PIEZO2: variants seen among roughly 807,000 people sequenced by gnomAD.
PIEZO2 encodes the protein piezo-type mechanosensitive ion channel component 2.
Under a neutral mutation model 337.3 loss-of-function variants are expected in PIEZO2, and 172 were observed. That is an observed-to-expected ratio of 0.51 (90% confidence interval 0.45 to 0.58). The LOEUF (loss-of-function observed/expected upper bound fraction) is 0.58, where lower values mean the gene tolerates loss of function less well. Among genes scored for constraint, PIEZO2 ranks in the 20% least tolerant of loss-of-function variants. PIEZO2 has a pLI of 0.00. For missense variants in PIEZO2, 3,028 were observed against 3,391.3 expected (o/e 0.89, Z 2.66); for synonymous variants, 1,251 against 1,228.5 (o/e 1.02, Z -0.38).
chr18:11,005,727 C>T (rs1379412648), intron 2 of PIEZO2, among the ~76,000 whole-genome samples: 1 of 152,208 alleles, frequency 6.6e-6, no homozygotes, highest in African/African-American at 2.4e-5. Flanking sequence ...AGAACACACA[C>T]CAGGTTACTA....
intron 35 of PIEZO2, among the ~76,000 whole-genome samples, chr18:10,732,276 C>CG (rs1291109603): frequency 6.6e-6 from 1 of 152,138 alleles, no homozygotes; most frequent in Non-Finnish European, 1.5e-5. Flanking sequence ...AGCCATATAG[C>CG]AACAAGAAGC....
Position 10,742,607 on chromosome 18 carries a change from C to T in PIEZO2, c.4523G>A (p.Arg1508His), listed in dbSNP as rs895352583. The change falls in exon 32 of 56, where the codon CGC becomes CAC. Residue 1508 changes from arginine (R) to histidine (H), a missense_variant. Coordinates refer to ENST00000674853, the MANE Select transcript of PIEZO2 (RefSeq NM_001378183.1). ...SMDQLKRQMD[R>H]IKARQQKYKK... ...ATATTTCTGTTGCCTGGCCTTGATG[C>T]GATCCATCCTATAAAGTAAAATAAC... The T allele has an allele frequency of 1.2e-5, 19 of 1,536,866 alleles. No individual in the cohort carries two copies. The highest frequency in any genetic ancestry group is 4.1e-5 in the African/African-American group (3 of 73,012).
chr18:10,733,402 A>C (rs993277502), intron 35 of PIEZO2, among the ~76,000 whole-genome samples: 1 of 152,008 alleles, frequency 6.6e-6, no homozygotes, highest in African/African-American at 2.4e-5. Context: ...GAAACGTCCC[A>C]ATCCTTACTG....
chr18:10,764,571 C>T (rs2038275486), intron 21 of PIEZO2, among the ~76,000 whole-genome samples: 1 of 140,930 alleles, frequency 7.1e-6, no homozygotes, highest in Non-Finnish European at 1.5e-5. Context: ...GCCTGGGTGA[C>T]AGAGTGACAC....
At chr18:10,829,076 T>G (rs2040764605) in intron 7 of PIEZO2, among the ~76,000 whole-genome samples, 1 of 152,196 alleles carries the variant, frequency 6.6e-6, no homozygotes, top group Admixed American at 6.5e-5. Flanking sequence ...ACTTATTGCA[T>G]TTGATTGATA....
chr18:10,755,453 T>C (rs918577694), intron 27 of PIEZO2, among the ~76,000 whole-genome samples: 1 of 152,144 alleles, frequency 6.6e-6, no homozygotes, highest in Non-Finnish European at 1.5e-5. Context: ...CAGCTGACTA[T>C]AGTGGGCAGC....
Position 10,807,225 on chromosome 18 carries a change from TC to T in PIEZO2, c.966del (p.Trp322Ter). 3 of 1,537,278 alleles carry T rather than the reference TC, an allele frequency of 2.0e-6. No individual in the cohort carries two copies. The highest frequency in any genetic ancestry group is 1.7e-6 in the Non-Finnish European group (2 of 1,146,918). ...GACAGGTCCGGGTTCACTATGATCT[TC>T]CAAGTACTTGAACAGTCCGTTTGAA... Reference protein sequence around the residue: ...SVIQTDCSSTWKIIVNPDLSW... With the variant: ...SVIQTDCSSTXKIIVNPDLSW... On this transcript the variant is annotated frameshift_variant, in exon 8 of 56. Coordinates refer to ENST00000674853, the MANE Select transcript of PIEZO2 (RefSeq NM_001378183.1). LOFTEE classifies it high-confidence loss of function.
chr18:10,778,573 C>A (rs1215936318), intron 18 of PIEZO2, among the ~76,000 whole-genome samples: 1 of 152,066 alleles, frequency 6.6e-6, no homozygotes, highest in Admixed American at 6.6e-5. Context: ...ACCTCATGAT[C>A]CACCTGCCTC....
chr18:10,915,116 C>T (rs2030831876), intron 3 of PIEZO2, among the ~76,000 whole-genome samples: 1 of 137,506 alleles, frequency 7.3e-6, no homozygotes, highest in East Asian at 2.0e-4. Flanking sequence ...CAAGATGGAA[C>T]CTCTGCCAGT....
intron 2 of PIEZO2, among the ~76,000 whole-genome samples, chr18:11,063,757 C>T (rs1010501972): frequency 6.6e-6 from 1 of 152,204 alleles, no homozygotes; most frequent in Non-Finnish European, 1.5e-5. Context: ...GCAGGACTTG[C>T]TGACAGTCCC....
At chr18:11,121,923 T>C (rs564662270) in intron 1 of PIEZO2, among the ~76,000 whole-genome samples, 2 of 152,286 alleles carry the variant, frequency 1.3e-5, no homozygotes, top group South Asian at 2.1e-4. Flanking sequence ...ATTATAAAAA[T>C]CATGTACCAA....
chr18:10,851,558 T>C (rs2041554258), intron 7 of PIEZO2, among the ~76,000 whole-genome samples: 1 of 152,206 alleles, frequency 6.6e-6, no homozygotes, highest in African/African-American at 2.4e-5. Context: ...GAACTGTTAA[T>C]ATCTTTACCA....
chr18:11,061,928 C>G (rs1274842553), intron 2 of PIEZO2, among the ~76,000 whole-genome samples: 1 of 152,070 alleles, frequency 6.6e-6, no homozygotes, highest in Non-Finnish European at 1.5e-5. Context: ...CATATGGAAC[C>G]AAAAAAGAGC....
rs1335055599 is a variant in PIEZO2 at position 10,794,189 on chromosome 18, G to C, written c.1758+583C>G. Among the ~76,000 whole-genome samples the C allele has an allele frequency of 6.6e-6, 1 of 152,064 alleles. No homozygotes were observed. Among genetic ancestry groups the C allele is most frequent in the African/African-American group, 2.4e-5 (1 of 41,388 alleles). ...AGTAAGTTGGGAAACCTAATCTTTT[G>C]AAATAAAACTGTTAAAATGGCCCAT... On this transcript the variant is annotated intron_variant, in intron 13 of 55. Coordinates refer to ENST00000674853, the MANE Select transcript of PIEZO2 (RefSeq NM_001378183.1). The surrounding 1 kb of genome is among the most constrained non-coding windows in gnomAD (Gnocchi z 6.6).
At chr18:10,896,833 G>A (rs1050546727) in intron 4 of PIEZO2, among the ~76,000 whole-genome samples, 1 of 152,152 alleles carries the variant, frequency 6.6e-6, no homozygotes, top group Non-Finnish European at 1.5e-5. Context: ...GGTTCCTGTT[G>A]GTTCAGTTCT....
chr18:10,745,189 T>C (rs1252566920), intron 30 of PIEZO2, among the ~76,000 whole-genome samples: 1 of 152,146 alleles, frequency 6.6e-6, no homozygotes, highest in African/African-American at 2.4e-5. Context: ...AGAGGTACCC[T>C]TTGTCTGACT....
intron 54 of PIEZO2, among the ~76,000 whole-genome samples, chr18:10,674,875 T>G (rs1233781066): frequency 1.3e-5 from 2 of 152,254 alleles, no homozygotes; most frequent in Non-Finnish European, 2.9e-5. Flanking sequence ...GGGGCAGACA[T>G]ATTTAGCAAT....
At chr18:11,060,845 C>T (rs530456161) in intron 2 of PIEZO2, among the ~76,000 whole-genome samples, 36 of 144,314 alleles carry the variant, frequency 2.5e-4, no homozygotes, top group Non-Finnish European at 4.1e-4. Flanking sequence ...GGAGCTGGTA[C>T]CATTCCTTCT....
In PIEZO2 at chr18:11,146,088, A is replaced by G. The variant is rs964534710; in HGVS notation, c.64+2437T>C. Among the ~76,000 whole-genome samples, 1 of 152,168 alleles carries G rather than the reference A, an allele frequency of 6.6e-6. No homozygotes were observed. Among genetic ancestry groups the G allele is most frequent in the Non-Finnish European group, 1.5e-5 (1 of 68,022 alleles). On this transcript the variant is annotated intron_variant, in intron 1 of 55. Transcript: ENST00000674853. The surrounding 1 kb of genome is among the most constrained non-coding windows in gnomAD (Gnocchi z 6.1). Reference sequence around the variant, plus strand: ...CTCACATTCACACAAACTGTTACACAGTCATGCACACACTCGCACACCCAG... The same window carrying G: ...CTCACATTCACACAAACTGTTACACGGTCATGCACACACTCGCACACCCAG...
Sources: allele counts gnomAD v4.1 joint callset (sites outside exome capture counted in the v4.1 genomes callset), GRCh38; gene constraint gnomAD v4.1.1; non-coding constraint Gnocchi (gnomAD v3.1); transcripts MANE v1.5; gene names NCBI Gene and HGNC (gene_info 2026-07-23, HGNC 2026-07-21).